The following DPP6 variants were observed in gnomAD, a reference collection of about 807,000 sequenced individuals.
DPP6 encodes the protein dipeptidyl peptidase like 6.
In DPP6, 69 loss-of-function variants were observed where a neutral mutation model predicts 122.6. The ratio of observed to expected loss-of-function variants is 0.56; its 90% CI spans 0.46 to 0.69. The LOEUF (loss-of-function observed/expected upper bound fraction) is 0.69. DPP6 is among the 30% of genes least tolerant of loss of function. The pLI, the probability that DPP6 is intolerant of heterozygous loss-of-function variation, is 0.00. For missense variants in DPP6, 928 were observed against 1,116.9 expected (o/e 0.83, Z 2.41); for synonymous variants, 418 against 433.1 (o/e 0.97, Z 0.43).
intron 10 of DPP6, among the ~76,000 whole-genome samples, chr7:154,784,024 C>A (rs1037873444): frequency 6.6e-6 from 1 of 152,152 alleles, no homozygotes; most frequent in African/African-American, 2.4e-5. Context: ...ACCTGGGGAA[C>A]TGCACAAGGA....
At chr7:154,726,751 C>T (rs1842084878) in intron 7 of DPP6, among the ~76,000 whole-genome samples, 1 of 152,204 alleles carries the variant, frequency 6.6e-6, no homozygotes, top group Non-Finnish European at 1.5e-5. Context: ...TCTCTTCTAC[C>T]ACATAGTCGG....
chr7:153,796,158 T>C, the DPP6 span, among the ~76,000 whole-genome samples: 11 of 124,854 alleles, frequency 8.8e-5, no homozygotes, highest in Non-Finnish European at 1.4e-4. Context: ...TCTAGTGTTC[T>C]ACATCCCTGT....
At chr7:154,881,210 G>C (rs545070073) in intron 21 of DPP6, 2 of 434,906 alleles carry the variant, frequency 4.6e-6, no homozygotes, top group Admixed American at 8.5e-5. Flanking sequence ...CATTCCTAAT[G>C]ACTTTTCTCC....
intron 1 of DPP6, among the ~76,000 whole-genome samples, chr7:154,256,939 A>G (rs762505662): frequency 6.6e-6 from 1 of 151,932 alleles, no homozygotes; most frequent in Non-Finnish European, 1.5e-5. Context: ...GCCAGGCTTT[A>G]GAGTGACAGC....
At chr7:154,793,725 G>C (rs1423819057) in intron 10 of DPP6, 1 of 172,546 alleles carries the variant, frequency 5.8e-6, no homozygotes, top group Non-Finnish European at 1.2e-5. Context: ...TTAGTTGTGC[G>C]TTTGCCTGGT....
chr7:153,891,613 C>G (rs567806633), intron 1 of DPP6, among the ~76,000 whole-genome samples: 1 of 152,244 alleles, frequency 6.6e-6, no homozygotes, highest in East Asian at 1.9e-4. Context: ...TATACTCTTG[C>G]AATAGGTTCT....
chr7:154,620,186 T>A (rs1481438967), intron 5 of DPP6, among the ~76,000 whole-genome samples: 1 of 152,222 alleles, frequency 6.6e-6, no homozygotes, highest in South Asian at 2.1e-4. Flanking sequence ...ATTACATCAG[T>A]ATTTTTAACT....
intron 1 of DPP6, among the ~76,000 whole-genome samples, chr7:154,130,630 GT>G (rs1440161439): frequency 2.6e-5 from 4 of 152,136 alleles, no homozygotes; most frequent in African/African-American, 9.7e-5. Context: ...ACATCATTGT[GT>G]TTTACCTGAT....
At chr7:154,344,823 G>T (rs1003718946) in intron 1 of DPP6, among the ~76,000 whole-genome samples, 1 of 152,148 alleles carries the variant, frequency 6.6e-6, no homozygotes, top group Non-Finnish European at 1.5e-5. Context: ...AGGAGGCGGA[G>T]GTTGCAGTGA....
In DPP6 at chr7:154,277,361, C is replaced by CA. The variant is rs201778809; in HGVS notation, c.244-168845dup. ...TCTGAGCTAGTAAAAACAACAACAACAAAAAAAACAATTGTCAATCAGACC... is the reference window on the plus strand; with the variant it reads ...TCTGAGCTAGTAAAAACAACAACAACAAAAAAAAACAATTGTCAATCAGACC... On this transcript the variant is annotated intron_variant, in intron 1 of 25. Transcript: ENST00000377770. Among the ~76,000 whole-genome samples, 200 of 151,650 alleles carry CA rather than the reference C, an allele frequency of 1.3e-3. 1 individual carries two copies. The highest frequency in any genetic ancestry group is 4.4e-3 in the African/African-American group (183 of 41,200).
intron 21 of DPP6, among the ~76,000 whole-genome samples, chr7:154,883,121 TCA>T (rs756805859): frequency 2.4e-5 from 3 of 124,728 alleles, no homozygotes; most frequent in Non-Finnish European, 5.1e-5. Flanking sequence ...ATACATGTGC[TCA>T]CACATACACA....
At chr7:153,989,579 A>G (rs1797049177) in intron 1 of DPP6, among the ~76,000 whole-genome samples, 1 of 151,736 alleles carries the variant, frequency 6.6e-6, no homozygotes, top group African/African-American at 2.4e-5. Flanking sequence ...GGGAAGCAGG[A>G]CCCCAGCTGC....
chr7:154,545,466 CCCTCCCTTCCTT>C (rs147105280), intron 4 of DPP6, among the ~76,000 whole-genome samples: 7,334 of 137,390 alleles, frequency 0.053, 581 homozygotes, highest in African/African-American at 0.18. Flanking sequence ...CTCCCTCCCT[CCCTCCCTTCCTT>C]CCTTCCTTCC....
chr7:154,083,495 G>GAA (rs1804183349), intron 1 of DPP6, among the ~76,000 whole-genome samples: 1 of 150,668 alleles, frequency 6.6e-6, no homozygotes, highest in Non-Finnish European at 1.5e-5. Flanking sequence ...GGTCACCCAA[G>GAA]CCTCCATCAT....
intron 10 of DPP6, among the ~76,000 whole-genome samples, chr7:154,777,553 A>G (rs1263102109): frequency 6.6e-6 from 1 of 152,190 alleles, no homozygotes; most frequent in East Asian, 1.9e-4. Flanking sequence ...ACCCAGCTGC[A>G]CTGATAAAAC....
chr7:154,682,105 T>C (rs1301006615), intron 7 of DPP6, among the ~76,000 whole-genome samples: 1 of 152,244 alleles, frequency 6.6e-6, no homozygotes, highest in African/African-American at 2.4e-5. Flanking sequence ...ACTTTGACGT[T>C]ATAACCTAAA....
chr7:153,950,787 A>C (rs1443146841), intron 1 of DPP6, among the ~76,000 whole-genome samples: 1 of 152,228 alleles, frequency 6.6e-6, no homozygotes, highest in Admixed American at 6.5e-5. Flanking sequence ...AGACATGGAC[A>C]TGTACAATGG....
At chr7:154,063,463 GCA>G (rs1802371730) in intron 1 of DPP6, among the ~76,000 whole-genome samples, 1 of 127,728 alleles carries the variant, frequency 7.8e-6, no homozygotes. Flanking sequence ...CTCCCGCGAG[GCA>G]GGGACTGAGA....
At chr7:154,467,638 G>A (rs1821903658) in intron 2 of DPP6, among the ~76,000 whole-genome samples, 1 of 152,192 alleles carries the variant, frequency 6.6e-6, no homozygotes, top group Non-Finnish European at 1.5e-5. Context: ...ACAGCAGTGT[G>A]AGAATGGGCT....
Sources: gnomAD v4.1 joint callset for allele counts (sites outside exome capture counted in the v4.1 genomes callset) on GRCh38, gnomAD v4.1.1 for gene constraint, MANE v1.5 for transcripts, NCBI Gene and HGNC (gene_info 2026-07-23, HGNC 2026-07-21) for gene names.